CHUK: variants seen among roughly 807,000 people sequenced by gnomAD.
The protein encoded by CHUK is inhibitor of nuclear factor kappa-B kinase subunit alpha.
Under a neutral mutation model 104.8 loss-of-function variants are expected in CHUK, and 35 were observed. The ratio of observed to expected loss-of-function variants is 0.33; its 90% confidence interval spans 0.26 to 0.44. CHUK has a LOEUF of 0.44. Ranked by LOEUF, CHUK falls within the 20% of genes least tolerant of loss-of-function variation. The probability of loss-of-function intolerance (pLI) is 1.00; values close to 1 mark genes in which losing one functional copy is unlikely to be tolerated. For synonymous variants in CHUK, 276 were observed against 291.9 expected (o/e 0.95, Z 0.56); for missense variants, 663 against 902.7 (o/e 0.73, Z 3.40).
At position 100,207,262 on chromosome 10, in the gene CHUK, G is replaced by A. The variant is rs746913170; in HGVS notation, c.1199C>T (p.Ser400Phe). ...SKTVYEGPFA[S>F]RSLSDCVNYI... Reference sequence around the variant, plus strand: ...ATTTACACAATCAGATAAACTTCTGGAAGCAAATGGCCCTTCATATACAGT... The same window carrying A: ...ATTTACACAATCAGATAAACTTCTGAAAGCAAATGGCCCTTCATATACAGT... Residue 400 changes from serine (S) to phenylalanine (F), a missense_variant, in exon 11 of 21, where the codon TCC becomes TTC. Ser to Phe is a radical substitution (Grantham distance 155). Coordinates refer to ENST00000370397, the MANE Select transcript of CHUK (RefSeq NM_001278.5). The A allele has an allele frequency of 6.4e-7, 1 of 1,563,820 alleles. No individual in the cohort carries two copies. Among genetic ancestry groups the A allele is most frequent in the South Asian group, 1.1e-5 (1 of 89,984 alleles).
At chr10:100,221,059 T>C (rs1845975466) in intron 4 of CHUK, among the ~76,000 whole-genome samples, 1 of 152,212 alleles carries the variant, frequency 6.6e-6, no homozygotes, top group Non-Finnish European at 1.5e-5. Context: ...TTTTGGTTTT[T>C]GAGGTTCCTC....
At chr10:100,229,406 T>C (rs1410458579) in intron 1 of CHUK, 22 bp downstream of exon 1, 3 of 1,564,958 alleles carry the variant, frequency 1.9e-6, no homozygotes, top group Middle Eastern at 1.7e-4. Flanking sequence ...CCACCGCCGC[T>C]CCCTCTCACG....
At chr10:100,211,710 CT>C in intron 9 of CHUK, among the ~76,000 whole-genome samples, 1 of 152,184 alleles carries the variant, frequency 6.6e-6, no homozygotes, top group East Asian at 1.9e-4. Context: ...ATATATACCA[CT>C]TTTTCCCTAT....
At chr10:100,194,682 T>G (rs1423155155) in intron 16 of CHUK, 161 bp from the exon 17 acceptor site, 2 of 530,026 alleles carry the variant, frequency 3.8e-6, no homozygotes, top group Non-Finnish European at 6.7e-6. Flanking sequence ...ATATAAAGAT[T>G]ACCTATAAAT....
chr10:100,218,973 C>T, intron 7 of CHUK, 35 bp downstream of exon 7: 2 of 1,613,194 alleles, frequency 1.2e-6, no homozygotes, highest in Non-Finnish European at 1.7e-6. Flanking sequence ...TTTCCATTCC[C>T]ATTAAGCATG....
Position 100,193,446 on chromosome 10 carries a change from A to G in CHUK, c.1975-15T>C. 6.2e-7 allele frequency: 1 copy of G among 1,613,986 alleles called. No individual in the cohort carries two copies. Among genetic ancestry groups the G allele is most frequent in the South Asian group, 1.1e-5 (1 of 91,080 alleles). Reference sequence around the variant, plus strand: ...GAACTCTGTGTCTGAAGGAAAAGAAAAAAACATCAAAAGATTACAGGCAAG... The same window carrying G: ...GAACTCTGTGTCTGAAGGAAAAGAAGAAAACATCAAAAGATTACAGGCAAG... On this transcript the variant is annotated splice_polypyrimidine_tract_variant and intron_variant, in intron 18 of 20. Transcript: ENST00000370397.
intron 5 of CHUK, 86 bp downstream of exon 5, chr10:100,220,502 C>T: frequency 1.1e-6 from 1 of 928,562 alleles, no homozygotes; most frequent in Non-Finnish European, 1.8e-6. Context: ...TATGGGCATA[C>T]AGCAAAGACA....
rs1409255373 is a variant in CHUK, at chr10:100,229,493, G to A, written c.40C>T (p.Pro14Ser). 9 of 1,577,648 alleles carry A rather than the reference G, an allele frequency of 5.7e-6. No homozygotes were observed. The highest frequency in any genetic ancestry group is 6.9e-6 in the Non-Finnish European group (8 of 1,166,300). Residue 14 changes from proline (P) to serine (S), a missense_variant, in exon 1 of 21, where the codon CCC becomes TCC. By Grantham distance (74) the Pro-to-Ser change is moderately conservative (BLOSUM62 -1). Transcript: ENST00000370397. ...CCCAGCCGCTCCCGCATCTCCCAGGGCCCGCCCGCGCCCGGCCGCAGCCCC... is the reference window on the plus strand; with the variant it reads ...CCCAGCCGCTCCCGCATCTCCCAGGACCCGCCCGCGCCCGGCCGCAGCCCC... ...PPGLRPGAGG[P>S]WEMRERLGTG...
At chr10:100,203,517 T>C (rs1845518094) in intron 13 of CHUK, among the ~76,000 whole-genome samples, 1 of 151,978 alleles carries the variant, frequency 6.6e-6, no homozygotes, top group Non-Finnish European at 1.5e-5. Context: ...CTGGACACTA[T>C]TGATTGTTTA....
chr10:100,195,350 C>CT (rs1564829752), intron 16 of CHUK: 1 of 152,202 alleles, frequency 6.6e-6, no homozygotes, highest in Non-Finnish European at 1.5e-5. Flanking sequence ...GAGAAGACTA[C>CT]TTTTGTTACC....
In CHUK at chr10:100,199,993, C is replaced by T; in HGVS notation, c.1707G>A (p.Lys569=). Residue 569 remains lysine, a synonymous_variant, in exon 16 of 21, where the codon AAG becomes AAA. Transcript: ENST00000370397. ...TACCTGAAGGTCTGTGTTTTAACTGCTTATATAGATCAATGGCACGCTGTT... is the reference window on the plus strand; with the variant it reads ...TACCTGAAGGTCTGTGTTTTAACTGTTTATATAGATCAATGGCACGCTGTT... ...SLEQRAIDLY[K]QLKHRPSDHS... The T allele has an allele frequency of 1.2e-6, 2 of 1,612,976 alleles. No homozygotes were observed. Among genetic ancestry groups the T allele is most frequent in the Non-Finnish European group, 1.7e-6 (2 of 1,179,090 alleles).
chr10:100,202,296 T>C, intron 13 of CHUK, 147 bp from the exon 14 acceptor site: 1 of 672,198 alleles, frequency 1.5e-6, no homozygotes, highest in Non-Finnish European at 2.7e-6. Context: ...TAACCCCTAA[T>C]ACCTCAGAAT....
rs576356887 is a variant in CHUK, at chr10:100,219,660, A to C, written c.475-301T>G. 1.4e-4 allele frequency among the ~76,000 whole-genome samples: 22 copies of C among 152,348 alleles called. No homozygotes were observed. The South Asian group carries it at 1.4e-3, about 10-fold the overall frequency. On this transcript the variant is annotated intron_variant, in intron 5 of 20. Coordinates refer to ENST00000370397, the MANE Select transcript of CHUK (RefSeq NM_001278.5). ...ACACAGTGCTTGGTACATGGTAAAA[A>C]TTGAATACAGGTGGGCTATTAATTT...
chr10:100,203,776 G>C (rs1001913083), intron 13 of CHUK, among the ~76,000 whole-genome samples: 1 of 152,054 alleles, frequency 6.6e-6, no homozygotes, highest in African/African-American at 2.4e-5. Context: ...ACAGTAGATG[G>C]TTTGAAAAAA....
intron 13 of CHUK, among the ~76,000 whole-genome samples, chr10:100,202,486 C>G (rs1268531631): frequency 6.6e-6 from 1 of 152,118 alleles, no homozygotes; most frequent in Non-Finnish European, 1.5e-5. Context: ...CAGCTGTAAG[C>G]CAAGGAATGC....
At chr10:100,228,993 G>GCACA (rs59218517) in intron 1 of CHUK, among the ~76,000 whole-genome samples, 5,516 of 133,486 alleles carry the variant, frequency 0.041, 132 homozygotes, top group Middle Eastern at 0.077. Flanking sequence ...GCGCGCGCGC[G>GCACA]CACACACACA....
At chr10:100,202,272 A>C (rs908334975) in intron 13 of CHUK, 123 bp from the exon 14 acceptor site, 130 of 722,164 alleles carry the variant, frequency 1.8e-4, no homozygotes, top group Non-Finnish European at 3.3e-5. Flanking sequence ...CCCCCAAAAG[A>C]TATGTGGAAT....
chr10:100,210,169 G>A (rs1166357904), intron 9 of CHUK, among the ~76,000 whole-genome samples: 1 of 147,680 alleles, frequency 6.8e-6, no homozygotes, highest in East Asian at 2.0e-4. Flanking sequence ...CTCACTGCAA[G>A]CTCCGCCTCC....
intron 9 of CHUK, among the ~76,000 whole-genome samples, chr10:100,216,783 A>G (rs1845865413): frequency 1.3e-5 from 2 of 152,244 alleles, no homozygotes; most frequent in African/African-American, 4.8e-5. Flanking sequence ...ACTGCATAAT[A>G]GAACTATCTA....
Sources: gnomAD v4.1 joint callset for allele counts (sites outside exome capture counted in the v4.1 genomes callset) on GRCh38, gnomAD v4.1.1 for gene constraint, MANE v1.5 for transcripts, NCBI Gene and HGNC (gene_info 2026-07-23, HGNC 2026-07-21) for gene names.